Variants in ZBTB20 observed in about 807,000 individuals in gnomAD.
ZBTB20 encodes zinc finger and BTB domain containing 20.
ZBTB20 carries 9 observed loss-of-function variants against 56.9 expected under a neutral mutation model. That is an observed-to-expected ratio of 0.16 (90% CI 0.10 to 0.28). ZBTB20 has a LOEUF of 0.28. ZBTB20 is among the 10% of genes least tolerant of loss of function. ZBTB20 has a pLI of 1.00. For missense variants in ZBTB20, 655 were observed against 1,003.0 expected (o/e 0.65, Z 4.69); for synonymous variants, 417 against 420.7 (o/e 0.99, Z 0.11).
At chr3:114,996,123 T>C (rs939810751) in intron 2 of ZBTB20, among the ~76,000 whole-genome samples, 1 of 151,864 alleles carries the variant, frequency 6.6e-6, no homozygotes, top group African/African-American at 2.4e-5. Context: ...TCATGGCACA[T>C]GTCTTTTATT....
intron 6 of ZBTB20, among the ~76,000 whole-genome samples, chr3:114,611,661 T>C (rs1027547393): frequency 6.6e-6 from 1 of 152,208 alleles, no homozygotes; most frequent in Non-Finnish European, 1.5e-5. Flanking sequence ...GAAGGAGACA[T>C]GGAAAGTGCT....
At chr3:115,030,464 C>T (rs113901640) in intron 2 of ZBTB20, among the ~76,000 whole-genome samples, 8 of 151,356 alleles carry the variant, frequency 5.3e-5, no homozygotes, top group African/African-American at 1.9e-4. Flanking sequence ...TAATATTTTA[C>T]CTCTTTCTGC....
intron 6 of ZBTB20, among the ~76,000 whole-genome samples, chr3:114,669,990 T>G (rs2061273096): frequency 6.6e-6 from 1 of 152,042 alleles, no homozygotes; most frequent in Admixed American, 6.6e-5. Flanking sequence ...TCAAGAAAAT[T>G]TTTTCTGAGA....
At chr3:114,791,835 A>G (rs1560255690) in intron 5 of ZBTB20, 1 of 152,146 alleles carries the variant, frequency 6.6e-6, no homozygotes, top group Non-Finnish European at 1.5e-5. Context: ...TTTATTAAAA[A>G]AGGTTATAAC....
intron 7 of ZBTB20, among the ~76,000 whole-genome samples, chr3:114,455,554 A>C (rs1402065756): frequency 6.6e-6 from 1 of 152,128 alleles, no homozygotes; most frequent in Non-Finnish European, 1.5e-5. Flanking sequence ...GGAGTGTAGC[A>C]GACAGATGCT....
chr3:114,716,533 C>A (rs2064491373), intron 5 of ZBTB20, among the ~76,000 whole-genome samples: 1 of 152,124 alleles, frequency 6.6e-6, no homozygotes, highest in South Asian at 2.1e-4. Context: ...AACACTTGTA[C>A]CCCTCCTGTG....
chr3:114,899,009 T>C (rs2075000969), intron 4 of ZBTB20, among the ~76,000 whole-genome samples: 1 of 152,132 alleles, frequency 6.6e-6, no homozygotes, highest in Non-Finnish European at 1.5e-5. Flanking sequence ...TAATAGCTTG[T>C]CTATATCAAA....
chr3:114,989,145 C>T (rs2078687741), intron 2 of ZBTB20, among the ~76,000 whole-genome samples: 1 of 152,184 alleles, frequency 6.6e-6, no homozygotes, highest in Admixed American at 6.5e-5. Context: ...GTTGCCATTG[C>T]TTTTGGTGTT....
chr3:114,559,339 A>T (rs1241317566), intron 6 of ZBTB20, among the ~76,000 whole-genome samples: 1 of 152,200 alleles, frequency 6.6e-6, no homozygotes, highest in African/African-American at 2.4e-5. Context: ...TTACTAATTA[A>T]AAGCCAGGAC....
chr3:114,939,800 C>T (rs1247861255), intron 3 of ZBTB20, among the ~76,000 whole-genome samples: 1 of 145,994 alleles, frequency 6.8e-6, no homozygotes, highest in Non-Finnish European at 1.5e-5. Flanking sequence ...GCCCAGAGTT[C>T]AAGGCTGTAG....
intron 5 of ZBTB20, among the ~76,000 whole-genome samples, chr3:114,798,180 G>C (rs1248997499): frequency 6.6e-6 from 1 of 151,646 alleles, no homozygotes; most frequent in Non-Finnish European, 1.5e-5. Flanking sequence ...CAGATTACTG[G>C]TTTCATCATG....
intron 6 of ZBTB20, among the ~76,000 whole-genome samples, chr3:114,522,832 G>A (rs1408943708): frequency 1.3e-5 from 2 of 152,132 alleles, no homozygotes; most frequent in Non-Finnish European, 1.5e-5. Context: ...GTATTTGCTT[G>A]GTAAAATAAG....
intron 6 of ZBTB20, among the ~76,000 whole-genome samples, chr3:114,653,217 C>T (rs1006119343): frequency 6.6e-6 from 1 of 151,844 alleles, no homozygotes; most frequent in Non-Finnish European, 1.5e-5. Context: ...TCTACTATAT[C>T]CCAGGAGGAA....
intron 6 of ZBTB20, among the ~76,000 whole-genome samples, chr3:114,608,732 C>T (rs1257632704): frequency 6.6e-6 from 1 of 152,158 alleles, no homozygotes; most frequent in Non-Finnish European, 1.5e-5. Context: ...AGTATCAATT[C>T]TAATGTGTTC....
intron 4 of ZBTB20, among the ~76,000 whole-genome samples, chr3:114,871,302 C>T (rs1288641064): frequency 1.3e-5 from 2 of 152,068 alleles, no homozygotes; most frequent in Non-Finnish European, 2.9e-5. Context: ...CTCTTTAGGT[C>T]CATGGATAGA....
chr3:114,523,964 T>C lies in ZBTB20; in HGVS notation c.-294-23573A>G, dbSNP rs149180916. 8.0e-4 allele frequency among the ~76,000 whole-genome samples: 122 copies of C among 152,264 alleles called. 1 individual carries two copies. Among genetic ancestry groups the C allele is most frequent in the East Asian group, 4.6e-3 (24 of 5,166 alleles). ...AGTCATACATTTGCTTGTGTGTTTT[T>C]CTCCAGCCACATTCAGCTGGCACAC... is the stretch of plus-strand genomic sequence containing the variant. On this transcript the variant is annotated intron_variant, in intron 6 of 11. Transcript: ENST00000675478.
chr3:114,858,560 A>G (rs2075351648), intron 4 of ZBTB20, among the ~76,000 whole-genome samples: 1 of 151,222 alleles, frequency 6.6e-6, no homozygotes, highest in South Asian at 2.1e-4. Context: ...GTGATGTTGA[A>G]AGAAATCATG....
intron 7 of ZBTB20, among the ~76,000 whole-genome samples, chr3:114,446,201 T>C (rs1412388219): frequency 1.3e-5 from 2 of 152,144 alleles, no homozygotes; most frequent in Non-Finnish European, 2.9e-5. Context: ...GGCCACCTTA[T>C]AAAATATATA....
intron 1 of ZBTB20, among the ~76,000 whole-genome samples, chr3:115,129,378 T>C (rs1334612468): frequency 1.3e-5 from 2 of 152,196 alleles, no homozygotes; most frequent in African/African-American, 2.4e-5. Context: ...GTACAGACTA[T>C]AGTGTATTAA....
Sources: gnomAD v4.1 joint callset for allele counts (sites outside exome capture counted in the v4.1 genomes callset) on GRCh38, gnomAD v4.1.1 for gene constraint, MANE v1.5 for transcripts, NCBI Gene and HGNC (gene_info 2026-07-23, HGNC 2026-07-21) for gene names.